CLDN10: variants seen among roughly 807,000 people sequenced by gnomAD.
CLDN10 encodes the protein claudin-10.
In CLDN10, 15 loss-of-function variants were observed where a neutral mutation model predicts 22.9. That is an observed-to-expected ratio of 0.65 (90% CI 0.44 to 1.01). CLDN10 has a LOEUF of 1.01. CLDN10 is among the 50% of genes least tolerant of loss of function. The pLI, the probability that CLDN10 is intolerant of heterozygous loss-of-function variation, is 0.00. For missense variants in CLDN10, 247 were observed against 287.8 expected (o/e 0.86, Z 1.03); for synonymous variants, 114 against 111.4 (o/e 1.02, Z -0.15).
intron 1 of CLDN10, among the ~76,000 whole-genome samples, chr13:95,443,696 T>C (rs887153350): frequency 6.6e-6 from 1 of 152,138 alleles, no homozygotes; most frequent in African/African-American, 2.4e-5. Context: ...GTTGCCACCC[T>C]GGGGTGATTA....
chr13:95,471,440 C>CACACACACACATATATAT lies in CLDN10; in HGVS notation c.214+37394_214+37395insCACACACACATATATATA, dbSNP rs746573300. 5.0e-3 allele frequency among the ~76,000 whole-genome samples: 523 copies of CACACACACACATATATAT among 103,816 alleles called. 1 individual carries two copies. Among genetic ancestry groups the CACACACACACATATATAT allele is most frequent in the Middle Eastern group, 0.012 (2 of 162 alleles). The allele number at this position is 103,816 out of a possible 152,430, so 68.1% of individuals were successfully genotyped here. Reference sequence around the variant, plus strand: ...ATATACACACACACACACACACACACATATATATATATATTTTTTTTTTTT... The same window carrying CACACACACACATATATAT: ...ATATACACACACACACACACACACACACACACACACATATATATATATATATATATATTTTTTTTTTTT... On this transcript the variant is annotated intron_variant, in intron 1 of 4. Transcript: ENST00000376873.
At chr13:95,447,143 A>T (rs913555311) in intron 1 of CLDN10, among the ~76,000 whole-genome samples, 9 of 152,222 alleles carry the variant, frequency 5.9e-5, no homozygotes, top group Non-Finnish European at 1.5e-5. Flanking sequence ...TTTCTCCAGA[A>T]CACAGAATGT....
intron 1 of CLDN10, among the ~76,000 whole-genome samples, chr13:95,444,377 A>G (rs2042352402): frequency 6.6e-6 from 1 of 152,246 alleles, no homozygotes; most frequent in African/African-American, 2.4e-5. Context: ...TGTGCATTGC[A>G]GGAAAAATTG....
In CLDN10 at chr13:95,503,204, T is replaced by A. The variant is rs1272866738; in HGVS notation, c.215-56928T>A. 2.6e-5 allele frequency among the ~76,000 whole-genome samples: 4 copies of A among 152,274 alleles called. No individual in the cohort carries two copies. In the East Asian group the frequency reaches 7.7e-4, roughly 29 times the overall value. On this transcript the variant is annotated intron_variant, in intron 1 of 4. Coordinates refer to the CLDN10 transcript ENST00000376873. ...TCAAGACAGAAGCCAGAGGTGAATA[T>A]GTAGATTTTCATAGAGGTGATAATA...
chr13:95,438,382 G>T (rs576107220), intron 1 of CLDN10, among the ~76,000 whole-genome samples: 1 of 152,238 alleles, frequency 6.6e-6, no homozygotes, highest in African/African-American at 2.4e-5. Flanking sequence ...TGGGATTACA[G>T]GCATGGGCCA....
intron 1 of CLDN10, among the ~76,000 whole-genome samples, chr13:95,477,361 G>A (rs1262303099): frequency 1.3e-5 from 2 of 152,158 alleles, no homozygotes; most frequent in Non-Finnish European, 2.9e-5. Flanking sequence ...ACCTGGTCCT[G>A]GGTGATTAGG....
chr13:95,471,453 A>ATATATTT lies in CLDN10; in HGVS notation c.214+37407_214+37408insATATTTT, dbSNP rs776857009. Among the ~76,000 whole-genome samples, 915 of 106,328 alleles carry ATATATTT rather than the reference A, an allele frequency of 8.6e-3. 20 individuals are homozygous for ATATATTT. Among genetic ancestry groups the ATATATTT allele is most frequent in the African/African-American group, 0.018 (449 of 24,938 alleles). The allele number at this position is 106,328 out of a possible 152,430, so 69.8% of individuals were successfully genotyped here. On this transcript the variant is annotated intron_variant, in intron 1 of 4. Transcript: ENST00000376873. ...CACACACACACACATATATATATATATTTTTTTTTTTTTTTTTGAGATGGA... is the reference window on the plus strand; with the variant it reads ...CACACACACACACATATATATATATATATATTTTTTTTTTTTTTTTTTTTGAGATGGA...
chr13:95,435,152 T>C (rs1191635477), intron 1 of CLDN10, among the ~76,000 whole-genome samples: 2 of 152,196 alleles, frequency 1.3e-5, no homozygotes, highest in African/African-American at 2.4e-5. Context: ...AGGGAAACAA[T>C]TGTCATTTGC....
chr13:95,504,196 G>A, intron 1 of CLDN10, among the ~76,000 whole-genome samples: 1 of 152,122 alleles, frequency 6.6e-6, no homozygotes, highest in Admixed American at 6.5e-5. Context: ...ACTACAGTGA[G>A]GTGAATAGTG....
At chr13:95,478,337 T>C (rs1180446696) in intron 1 of CLDN10, among the ~76,000 whole-genome samples, 1 of 151,924 alleles carries the variant, frequency 6.6e-6, no homozygotes, top group Non-Finnish European at 1.5e-5. Context: ...AATAAATAAA[T>C]ATAAAAAGCA....
chr13:95,470,071 G>GCTACAT (rs1462037321), intron 1 of CLDN10, among the ~76,000 whole-genome samples: 7 of 152,128 alleles, frequency 4.6e-5, no homozygotes, highest in Admixed American at 3.3e-4. Context: ...AATGTACTGG[G>GCTACAT]CTACATGGAC....
At chr13:95,433,765 C>G in exon 1 of CLDN10, 1 of 1,533,056 alleles carries the variant, frequency 6.5e-7, no homozygotes, top group South Asian at 1.1e-5. Flanking sequence ...AAAGTGTTCT[C>G]TATCGGCTGC....
upstream of CLDN10, among the ~76,000 whole-genome samples, chr13:95,549,101 A>T (rs140810763): frequency 2.7e-3 from 407 of 152,338 alleles, 1 homozygote; most frequent in African/African-American, 9.3e-3. Flanking sequence ...AAGGCTCAGA[A>T]TATGTTTGAG....
exon 1 of CLDN10, chr13:95,434,039 A>T: frequency 6.2e-7 from 1 of 1,613,834 alleles, no homozygotes; most frequent in Non-Finnish European, 8.5e-7. Context: ...ACTATCTTCA[A>T]AGTAGCAGGT....
At chr13:95,516,976 TTCCTTCCTTCC>T (rs1378428063) in intron 1 of CLDN10, among the ~76,000 whole-genome samples, 3 of 3,636 alleles carry the variant, frequency 8.3e-4, no homozygotes, top group Non-Finnish European at 2.6e-3. Flanking sequence ...CTCTCCTTCC[TTCCTTCCTTCC>T]TTCCTTCCTT....
At chr13:95,571,158 A>G (rs1416272861) in intron 3 of CLDN10, among the ~76,000 whole-genome samples, 3 of 152,088 alleles carry the variant, frequency 2.0e-5, no homozygotes, top group Admixed American at 1.3e-4. Flanking sequence ...CACCACAGTG[A>G]CACATGGTAG....
At chr13:95,516,772 C>T (rs1469039572) in intron 1 of CLDN10, among the ~76,000 whole-genome samples, 1 of 152,138 alleles carries the variant, frequency 6.6e-6, no homozygotes, top group African/African-American at 2.4e-5. Flanking sequence ...GGAGGGGAAT[C>T]TCATCTTCTT....
chr13:95,434,256 C>T (rs2042241197), intron 1 of CLDN10, among the ~76,000 whole-genome samples: 2 of 152,044 alleles, frequency 1.3e-5, no homozygotes, highest in Non-Finnish European at 2.9e-5. Context: ...TAAGAATAAC[C>T]TTACAGGGCT....
chr13:95,440,098 G>C (rs113016133), intron 1 of CLDN10, among the ~76,000 whole-genome samples: 33,212 of 151,870 alleles, frequency 0.22, 3,844 homozygotes, highest in Non-Finnish European at 0.26. Context: ...ATTTTTAGTA[G>C]AGGTGCGGTT....
Sources: gnomAD v4.1 joint callset for allele counts (sites outside exome capture counted in the v4.1 genomes callset) on GRCh38, gnomAD v4.1.1 for gene constraint, MANE v1.5 for transcripts, NCBI Gene and HGNC (gene_info 2026-07-23, HGNC 2026-07-21) for gene names.